The following NALCN variants were observed in gnomAD, a reference collection of about 807,000 sequenced individuals.
NALCN encodes sodium leak channel, non-selective, also known as sodium leak channel NALCN.
Under a neutral mutation model 225.3 loss-of-function variants are expected in NALCN, and 111 were observed. That is an observed-to-expected ratio of 0.49 (90% CI 0.42 to 0.58). The LOEUF (loss-of-function observed/expected upper bound fraction) is 0.58, where lower values mean the gene tolerates loss of function less well. Among genes scored for constraint, NALCN ranks in the 20% least tolerant of loss-of-function variants. NALCN has a pLI of 0.00. For synonymous variants in NALCN, 764 were observed against 769.0 expected (o/e 0.99, Z 0.11); for missense variants, 1,378 against 2,202.4 (o/e 0.63, Z 7.49).
intron 7 of NALCN, among the ~76,000 whole-genome samples, chr13:101,328,038 C>T (rs574335017): frequency 6.6e-6 from 1 of 152,250 alleles, no homozygotes; most frequent in East Asian, 1.9e-4. Context: ...TTTACAAAAA[C>T]TGGCAGTAAG....
In NALCN at chr13:101,174,302, T is replaced by C. The variant is rs149605249; in HGVS notation, c.1839+1998A>G. Reference sequence around the variant, plus strand: ...TACCCAGAGTATATGGTCCAAATTGTAGGCTAGTGCAATTGGATAACCAGT... The same window carrying C: ...TACCCAGAGTATATGGTCCAAATTGCAGGCTAGTGCAATTGGATAACCAGT... On this transcript the variant is annotated intron_variant, in intron 15 of 43. Transcript: ENST00000251127. Among the ~76,000 whole-genome samples, 522 of 152,280 alleles carry C rather than the reference T, an allele frequency of 3.4e-3. 6 individuals are homozygous for C. The highest frequency in any genetic ancestry group is 0.012 in the African/African-American group (488 of 41,566).
At chr13:101,272,016 CTGTGTG>C (rs201190219) in intron 10 of NALCN, among the ~76,000 whole-genome samples, 1 of 150,988 alleles carries the variant, frequency 6.6e-6, no homozygotes, top group African/African-American at 2.4e-5. Context: ...TTGTGTGTCA[CTGTGTG>C]TGTATGTACA....
In NALCN at chr13:101,055,464, A is replaced by G. The variant is rs1464241794; in HGVS notation, c.5048T>C (p.Val1683Ala). Residue 1683 changes from valine (V) to alanine (A), a missense_variant, in exon 44 of 44, where the codon GTG becomes GCG. Transcript: ENST00000251127. ...TCCAAACCGTAAGTTGACTGAGGAC[A>G]CTGAATGGCTTATTGGTTTTGGGGC... is the stretch of plus-strand genomic sequence containing the variant. ...PSAPKPISHS[V>A]SSVNLRFGGR... is the part of the protein sequence containing the mutation. 6.2e-7 allele frequency: 1 copy of G among 1,613,974 alleles called. No individual in the cohort carries two copies.
At chr13:101,346,087 C>CTCTCTCTCTCTCTATATATATATATA in intron 6 of NALCN, among the ~76,000 whole-genome samples, 66 of 70,956 alleles carry the variant, frequency 9.3e-4, no homozygotes, top group Admixed American at 1.8e-3. Context: ...CTCTCTCTCT[C>CTCTCTCTCTCTCTATATATATATATA]TATATATATA....
At chr13:101,165,486 A>G (rs1026361190) in intron 15 of NALCN, among the ~76,000 whole-genome samples, 1 of 152,176 alleles carries the variant, frequency 6.6e-6, no homozygotes, top group African/African-American at 2.4e-5. Context: ...TGTTGTTGTT[A>G]TTTGAGACAG....
intron 13 of NALCN, among the ~76,000 whole-genome samples, chr13:101,199,939 G>C (rs917317786): frequency 1.3e-5 from 2 of 152,024 alleles, no homozygotes; most frequent in African/African-American, 4.8e-5. Context: ...CCCTTTGCAT[G>C]CTCCTTTGCT....
At chr13:101,107,066 G>A (rs188948216) in intron 22 of NALCN, among the ~76,000 whole-genome samples, 13 of 152,170 alleles carry the variant, frequency 8.5e-5, no homozygotes, top group South Asian at 2.1e-4. Context: ...TCAACTTTAC[G>A]TTATTCTCCA....
chr13:101,107,644 G>A (rs1337032083), intron 21 of NALCN, 35 bp from the exon 22 acceptor site: 5 of 1,613,872 alleles, frequency 3.1e-6, no homozygotes, highest in African/African-American at 1.3e-5. Flanking sequence ...ATGAGGCTAA[G>A]GGAAATTTTG....
At chr13:101,105,380 G>A (rs1486653224) in intron 22 of NALCN, among the ~76,000 whole-genome samples, 3 of 152,176 alleles carry the variant, frequency 2.0e-5, no homozygotes, top group Admixed American at 6.5e-5. Context: ...ATTTAACTGT[G>A]ATGTGGTAGA....
At position 101,065,431 on chromosome 13, in the gene NALCN, C is replaced by G; in HGVS notation, c.4577G>C (p.Gly1526Ala). ...CAGGACATCATGGAAGGTGACGTCG[C>G]CGCCATTGTGGAGCCTCTCCATTTC... Reference protein sequence around the residue: ...CYEMERLHNGGDVTFHDVLSM... With the variant: ...CYEMERLHNGADVTFHDVLSM... The change falls in exon 40 of 44, where the codon GGC (glycine) becomes GCC (alanine). Residue 1526 changes from glycine to alanine, a missense_variant. Transcript: ENST00000251127. 4 of 1,614,162 alleles carry G rather than the reference C, an allele frequency of 2.5e-6. No homozygotes were observed. The highest frequency in any genetic ancestry group is 3.4e-6 in the Non-Finnish European group (4 of 1,180,022).
chr13:101,360,144 CTTT>C (rs770223959), intron 6 of NALCN, among the ~76,000 whole-genome samples: 4 of 138,462 alleles, frequency 2.9e-5, no homozygotes, highest in Non-Finnish European at 6.0e-5. Flanking sequence ...TTCTTTCTCT[CTTT>C]TTTTCTTTCT....
intron 6 of NALCN, among the ~76,000 whole-genome samples, chr13:101,352,871 G>C (rs570565229): frequency 2.6e-5 from 4 of 152,126 alleles, no homozygotes; most frequent in African/African-American, 9.6e-5. Context: ...ATTACTTCTT[G>C]GTATCGAAAT....
At chr13:101,185,838 C>T (rs964187805) in intron 14 of NALCN, among the ~76,000 whole-genome samples, 1 of 152,216 alleles carries the variant, frequency 6.6e-6, no homozygotes, top group Non-Finnish European at 1.5e-5. Flanking sequence ...TTGTATGGCA[C>T]CACTGTTCGG....
At chr13:101,108,931 C>A (rs1218754738) in intron 20 of NALCN, among the ~76,000 whole-genome samples, 1 of 152,130 alleles carries the variant, frequency 6.6e-6, no homozygotes, top group African/African-American at 2.4e-5. Context: ...AACCCCATGG[C>A]ATTTTGCTAT....
intron 15 of NALCN, among the ~76,000 whole-genome samples, chr13:101,163,854 T>C (rs1471787397): frequency 6.6e-6 from 1 of 152,124 alleles, no homozygotes; most frequent in African/African-American, 2.4e-5. Context: ...GATCAAGATG[T>C]CAGCAAGGCA....
intron 15 of NALCN, among the ~76,000 whole-genome samples, chr13:101,153,810 T>C (rs565970066): frequency 6.6e-6 from 1 of 152,352 alleles, no homozygotes; most frequent in Non-Finnish European, 1.5e-5. Flanking sequence ...AGAAAAGAAA[T>C]ACCTTTATGT....
rs567985751 is a variant in NALCN, at chr13:101,183,552, C to T, written c.1765-7178G>A. Among the ~76,000 whole-genome samples, 106 of 152,172 alleles carry T rather than the reference C, an allele frequency of 7.0e-4. 1 individual carries two copies. Among genetic ancestry groups the T allele is most frequent in the African/African-American group, 2.2e-3 (93 of 41,534 alleles). On this transcript the variant is annotated intron_variant, in intron 14 of 43. Transcript: ENST00000251127. ...TCAGCTCACTGCAACCTCTACCTCCCGGGTTCAAGTGGTTCTCCTGCTTCA... is the reference window on the plus strand; with the variant it reads ...TCAGCTCACTGCAACCTCTACCTCCTGGGTTCAAGTGGTTCTCCTGCTTCA...
At chr13:101,153,723 C>T (rs760557607) in intron 15 of NALCN, among the ~76,000 whole-genome samples, 2 of 152,288 alleles carry the variant, frequency 1.3e-5, no homozygotes, top group East Asian at 1.9e-4. Context: ...AATTTCATCT[C>T]GTTGAGACTC....
chr13:101,271,189 C>A (rs2042764175), intron 10 of NALCN, among the ~76,000 whole-genome samples: 1 of 151,962 alleles, frequency 6.6e-6, no homozygotes, highest in Non-Finnish European at 1.5e-5. Context: ...GACAGATAAA[C>A]AAATAAATAA....
Sources: allele counts gnomAD v4.1 joint callset (sites outside exome capture counted in the v4.1 genomes callset), GRCh38; gene constraint gnomAD v4.1.1; transcripts MANE v1.5; gene names NCBI Gene and HGNC (gene_info 2026-07-23, HGNC 2026-07-21).